TENM3: variants seen among roughly 807,000 people sequenced by gnomAD.
TENM3 encodes the protein teneurin-3.
In TENM3, 63 loss-of-function variants were observed where a neutral mutation model predicts 255.1. The observed-to-expected ratio is 0.25, with a 90% CI of 0.20 to 0.30. The LOEUF (loss-of-function observed/expected upper bound fraction) is 0.30, where lower values mean the gene tolerates loss of function less well. Among genes scored for constraint, TENM3 ranks in the 10% least tolerant of loss-of-function variants. The pLI is 1.00. For synonymous variants in TENM3, 1,306 were observed against 1,322.3 expected (o/e 0.99, Z 0.27); for missense variants, 2,929 against 3,461.1 (o/e 0.85, Z 3.86).
At chr4:182,127,759 G>T in the TENM3 span, among the ~76,000 whole-genome samples, 1 of 152,210 alleles carries the variant, frequency 6.6e-6, no homozygotes, top group South Asian at 2.1e-4. Context: ...GCAAGCAATG[G>T]TTTTGCAATT....
the TENM3 span, among the ~76,000 whole-genome samples, chr4:181,992,617 G>T: frequency 6.6e-6 from 1 of 152,018 alleles, no homozygotes; most frequent in South Asian, 2.1e-4. Context: ...AAAAAGACAG[G>T]AATTATGGCA....
At chr4:182,598,278 C>G (rs1747477349) in intron 3 of TENM3, among the ~76,000 whole-genome samples, 3 of 152,160 alleles carry the variant, frequency 2.0e-5, no homozygotes, top group Non-Finnish European at 4.4e-5. Context: ...TTAGATTGAA[C>G]CTAGCTTTCA....
the TENM3 span, among the ~76,000 whole-genome samples, chr4:181,899,897 T>C: frequency 6.6e-6 from 1 of 152,172 alleles, no homozygotes; most frequent in Non-Finnish European, 1.5e-5. Flanking sequence ...ACCCTGGATA[T>C]TTTATTCTTG....
At chr4:182,772,189 G>A (rs575160952) in intron 22 of TENM3, among the ~76,000 whole-genome samples, 134 of 151,368 alleles carry the variant, frequency 8.9e-4, no homozygotes, top group Non-Finnish European at 1.4e-3. Context: ...AATGTTTCAC[G>A]AAAAACCCCT....
rs1751289425 is a variant in TENM3 at position 182,161,793 on chromosome 4, G to GTATATATATACACATATATATGTA, written c.-76+17048_-76+17071dup. The stretch of plus-strand genomic sequence containing the variant: ...TGTATATATATATACACAAATATAT[G>GTATATATATACACATATATATGTA]TATATATATACACATATATATGTAT... On this transcript the variant is annotated intron_variant, in intron 1 of 2. Coordinates refer to the TENM3 transcript ENST00000512480. 5.0e-5 allele frequency among the ~76,000 whole-genome samples: 2 copies of GTATATATATACACATATATATGTA among 39,974 alleles called. 1 individual carries two copies. The highest frequency in any genetic ancestry group is 1.2e-3 in the East Asian group (2 of 1,700). 26.2% of individuals were successfully genotyped at this position (39,974 alleles called of 152,430 possible).
At chr4:181,725,757 T>C in the TENM3 span, among the ~76,000 whole-genome samples, 1 of 152,218 alleles carries the variant, frequency 6.6e-6, no homozygotes, top group East Asian at 1.9e-4. Flanking sequence ...AACCATTTTT[T>C]AATGATTTAT....
chr4:181,985,395 T>G, the TENM3 span, among the ~76,000 whole-genome samples: 1 of 152,076 alleles, frequency 6.6e-6, no homozygotes, highest in African/African-American at 2.4e-5. Context: ...ACTGCTTTAC[T>G]GATATCAGGT....
At chr4:182,783,576 G>T (rs1429429603) in intron 24 of TENM3, among the ~76,000 whole-genome samples, 1 of 149,994 alleles carries the variant, frequency 6.7e-6, no homozygotes, top group Non-Finnish European at 1.5e-5. Flanking sequence ...GGCGTTCTCT[G>T]TATTTCCTGA....
chr4:182,198,293 C>A (rs538395606), intron 1 of TENM3, among the ~76,000 whole-genome samples: 1 of 152,112 alleles, frequency 6.6e-6, no homozygotes, highest in African/African-American at 2.4e-5. Flanking sequence ...GAGATGGCTT[C>A]GTTTATCAGC....
chr4:181,860,475 G>T, the TENM3 span, among the ~76,000 whole-genome samples: 1 of 152,188 alleles, frequency 6.6e-6, no homozygotes, highest in Non-Finnish European at 1.5e-5. Flanking sequence ...ATGAGAAACA[G>T]ACAATGCCAT....
the TENM3 span, among the ~76,000 whole-genome samples, chr4:181,715,317 G>C: frequency 6.6e-6 from 1 of 152,104 alleles, no homozygotes; most frequent in African/African-American, 2.4e-5. Flanking sequence ...TAAGTGTTTA[G>C]ATGTTACACA....
At chr4:182,314,077 C>A (rs557680016) in intron 1 of TENM3, among the ~76,000 whole-genome samples, 34 of 152,220 alleles carry the variant, frequency 2.2e-4, no homozygotes, top group Admixed American at 5.2e-4. Context: ...GTTGGGGAGT[C>A]CGAGGCAGGC....
chr4:181,744,369 A>G, the TENM3 span, among the ~76,000 whole-genome samples: 1 of 152,170 alleles, frequency 6.6e-6, no homozygotes, highest in African/African-American at 2.4e-5. Flanking sequence ...TGGTCAAATT[A>G]TATCTCTGCC....
intron 3 of TENM3, among the ~76,000 whole-genome samples, chr4:182,576,809 G>A (rs1207527577): frequency 6.6e-6 from 1 of 152,160 alleles, no homozygotes; most frequent in Admixed American, 6.5e-5. Context: ...ACTGCTGTTA[G>A]GGTAGTCGTC....
intron 1 of TENM3, among the ~76,000 whole-genome samples, chr4:182,303,417 A>G (rs879228546): frequency 3.3e-5 from 5 of 152,182 alleles, no homozygotes; most frequent in African/African-American, 1.2e-4. Flanking sequence ...CATAAGAGTC[A>G]TATTTCTGTT....
At chr4:182,304,141 G>A (rs1761998510) in intron 1 of TENM3, among the ~76,000 whole-genome samples, 1 of 151,696 alleles carries the variant, frequency 6.6e-6, no homozygotes, top group African/African-American at 2.4e-5. Context: ...AGAAGTCAAA[G>A]AAAATGAGCT....
chr4:182,285,953 T>G (rs920480683), intron 1 of TENM3, among the ~76,000 whole-genome samples: 1 of 152,244 alleles, frequency 6.6e-6, no homozygotes, highest in African/African-American at 2.4e-5. Flanking sequence ...ATCATCTTTC[T>G]GAAGCAGATG....
intron 3 of TENM3, among the ~76,000 whole-genome samples, chr4:182,569,353 G>A (rs879942009): frequency 7.9e-5 from 12 of 152,000 alleles, no homozygotes; most frequent in Admixed American, 6.6e-4. Flanking sequence ...TGAGGAGTTC[G>A]ACACCAGCCT....
chr4:182,606,798 C>T (rs577426466), intron 4 of TENM3, among the ~76,000 whole-genome samples: 3 of 152,122 alleles, frequency 2.0e-5, no homozygotes, highest in African/African-American at 2.4e-5. Context: ...GTTTAGTGGG[C>T]GTCACGCCAA....
Sources: gnomAD v4.1 joint callset for allele counts (sites outside exome capture counted in the v4.1 genomes callset) on GRCh38, gnomAD v4.1.1 for gene constraint, MANE v1.5 for transcripts, NCBI Gene and HGNC (gene_info 2026-07-23, HGNC 2026-07-21) for gene names.